Variants in CFAP52 observed in about 807,000 individuals in gnomAD.
CFAP52 encodes cilia- and flagella-associated protein 52.
CFAP52 carries 57 observed loss-of-function variants against 70.5 expected under a neutral mutation model. The ratio of observed to expected loss-of-function variants is 0.81; its 90% CI spans 0.65 to 1.01. The LOEUF (loss-of-function observed/expected upper bound fraction) is 1.01. Among genes scored for constraint, CFAP52 ranks in the 50% least tolerant of loss-of-function variants. CFAP52 has a pLI of 0.00. For missense variants in CFAP52, 785 were observed against 788.5 expected (o/e 1.00, Z 0.05); for synonymous variants, 267 against 292.5 (o/e 0.91, Z 0.89).
chr17:9,615,342 G>A (rs79517082), intron 8 of CFAP52, among the ~76,000 whole-genome samples: 7 of 152,242 alleles, frequency 4.6e-5, no homozygotes, highest in South Asian at 2.1e-4. Flanking sequence ...TTACAGAGAC[G>A]TGCATTGCAG....
At chr17:9,627,982 TC>T (rs1414506305) in intron 8 of CFAP52, among the ~76,000 whole-genome samples, 1 of 152,164 alleles carries the variant, frequency 6.6e-6, no homozygotes, top group Non-Finnish European at 1.5e-5. Context: ...GATCCTCCTT[TC>T]TTGGCCTCCC....
At chr17:9,583,571 A>G (rs1908317434) in intron 1 of CFAP52, among the ~76,000 whole-genome samples, 1 of 152,168 alleles carries the variant, frequency 6.6e-6, no homozygotes, top group African/African-American at 2.4e-5. Flanking sequence ...AAGGAGACTT[A>G]TGAAGAAACA....
At chr17:9,625,857 A>T (rs1456474724) in intron 8 of CFAP52, among the ~76,000 whole-genome samples, 1 of 152,152 alleles carries the variant, frequency 6.6e-6, no homozygotes, top group East Asian at 1.9e-4. Context: ...GCCTTACAAG[A>T]TGTACTCTCT....
chr17:9,587,905 A>G (rs77945520), intron 3 of CFAP52, among the ~76,000 whole-genome samples: 3,174 of 152,246 alleles, frequency 0.021, 109 homozygotes, highest in African/African-American at 0.072. Context: ...TCTGAGAAAA[A>G]TACCATAAAA....
intron 7 of CFAP52, 52 bp from the exon 8 acceptor site, chr17:9,612,257 A>G: frequency 1.3e-6 from 2 of 1,592,252 alleles, no homozygotes; most frequent in Non-Finnish European, 1.7e-6. Context: ...CATGATTCGT[A>G]ACTACTTACT....
intron 13 of CFAP52, among the ~76,000 whole-genome samples, chr17:9,642,275 C>G (rs138663544): frequency 1.3e-5 from 2 of 152,140 alleles, no homozygotes; most frequent in African/African-American, 4.8e-5. Flanking sequence ...CACAACATGC[C>G]GATTGGAACA....
chr17:9,645,215 C>T (rs1911273178), downstream of CFAP52: 1 of 153,492 alleles, frequency 6.5e-6, no homozygotes. This position sits in a 1 kb window ranked among gnomAD's most constrained non-coding sequence, Gnocchi z 6.8. Context: ...CCTTTTCTTC[C>T]TGCAGTAGCC....
intron 6 of CFAP52, among the ~76,000 whole-genome samples, chr17:9,607,645 T>C (rs1281111034): frequency 6.6e-6 from 1 of 152,244 alleles, no homozygotes; most frequent in Admixed American, 6.5e-5. Context: ...AAGAATTAAG[T>C]TCTGGTGAAA....
At chr17:9,624,245 T>C (rs1910157096) in intron 8 of CFAP52, among the ~76,000 whole-genome samples, 1 of 152,176 alleles carries the variant, frequency 6.6e-6, no homozygotes, top group Non-Finnish European at 1.5e-5. Flanking sequence ...TTTCAGCCCT[T>C]GTTCCTTAAG....
In CFAP52 at chr17:9,636,645, G is replaced by A. The variant is rs548041082; in HGVS notation, c.1472+1089G>A. 8.3e-4 allele frequency among the ~76,000 whole-genome samples: 126 copies of A among 152,086 alleles called. 1 individual carries two copies. The highest frequency in any genetic ancestry group is 1.4e-3 in the Non-Finnish European group (92 of 68,008). On this transcript the variant is annotated intron_variant, in intron 11 of 13. Transcript: ENST00000352665. ...GCACTGCCTCTATATCACTGCATAC[G>A]AGAGACGAGGATAAGTGCAAAGATG...
chr17:9,593,702 C>A (rs910256261), intron 3 of CFAP52, among the ~76,000 whole-genome samples: 1 of 152,116 alleles, frequency 6.6e-6, no homozygotes, highest in African/African-American at 2.4e-5. Context: ...GTGATCCACC[C>A]GCCTCGGCCT....
At chr17:9,599,920 C>G in intron 5 of CFAP52, 147 bp from the exon 6 acceptor site, 1 of 591,520 alleles carries the variant, frequency 1.7e-6, no homozygotes, top group Non-Finnish European at 3.1e-6. Flanking sequence ...TTTGTATTTT[C>G]AGTAGAGACA....
intron 9 of CFAP52, among the ~76,000 whole-genome samples, chr17:9,630,165 C>G (rs1464911117): frequency 6.6e-6 from 1 of 151,854 alleles, no homozygotes; most frequent in African/African-American, 2.4e-5. Context: ...GCATCTCTCC[C>G]CTAGATTGCC....
In CFAP52 at chr17:9,627,112, CT is replaced by C. The variant is rs201487824; in HGVS notation, c.1026-1545del. Among the ~76,000 whole-genome samples the C allele has an allele frequency of 6.2e-3, 851 of 137,642 alleles. 4 individuals are homozygous for C. Among genetic ancestry groups the C allele is most frequent in the Middle Eastern group, 0.015 (4 of 272 alleles). 90.3% of individuals were successfully genotyped at this position (137,642 alleles called of 152,430 possible). A position where few individuals can be genotyped will look rare whatever the true frequency, so the allele number is the denominator to read the frequency against. On this transcript the variant is annotated intron_variant, in intron 8 of 13. Transcript: ENST00000352665. ...AATTTACATTGTATTTAGAGGTTGC[CT>C]TTTTTTTTTTTTTTGAGCTTGACAG...
intron 8 of CFAP52, among the ~76,000 whole-genome samples, chr17:9,622,145 T>C (rs920856933): frequency 6.6e-6 from 1 of 152,260 alleles, no homozygotes; most frequent in African/African-American, 2.4e-5. Context: ...TGAAATTATT[T>C]GGAATTCTAG....
At chr17:9,636,179 A>AAAAGAAAGAAAGAAGG in intron 11 of CFAP52, among the ~76,000 whole-genome samples, 1 of 99,174 alleles carries the variant, frequency 1.0e-5, no homozygotes, top group Middle Eastern at 4.9e-3. Flanking sequence ...TGTCTCAAAA[A>AAAAGAAAGAAAGAAGG]AAAGAAAGAA....
Position 9,628,814 on chromosome 17 carries a change from A to G in CFAP52, c.1168A>G (p.Ile390Val). 6.2e-7 allele frequency: 1 copy of G among 1,614,060 alleles called. No individual in the cohort carries two copies. Among genetic ancestry groups the G allele is most frequent in the Non-Finnish European group, 8.5e-7 (1 of 1,179,964 alleles). ...IDFMRDGKSIISAWNDGKIRA... is the reference protein window; with the variant it reads ...IDFMRDGKSIVSAWNDGKIRA... Reference sequence around the variant, plus strand: ...CTTCATGAGGGACGGCAAAAGCATCATTTCAGGTAACGTCCACATGTCAAG... The same window carrying G: ...CTTCATGAGGGACGGCAAAAGCATCGTTTCAGGTAACGTCCACATGTCAAG... Residue 390 changes from isoleucine to valine, a missense_variant, in exon 9 of 14, where the codon ATT becomes GTT. Coordinates refer to ENST00000352665, the MANE Select transcript of CFAP52 (RefSeq NM_145054.5).
chr17:9,588,812 G>A (rs1415753840), intron 3 of CFAP52, among the ~76,000 whole-genome samples: 1 of 134,676 alleles, frequency 7.4e-6, no homozygotes, highest in Admixed American at 8.1e-5. Flanking sequence ...CACTCTTGTT[G>A]CCCAGGCTGG....
chr17:9,638,387 G>T (rs1368233422), intron 11 of CFAP52, among the ~76,000 whole-genome samples: 1 of 152,152 alleles, frequency 6.6e-6, no homozygotes, highest in East Asian at 1.9e-4. Context: ...TCCTCTGGTG[G>T]TCACTGATAG....
Sources: gnomAD v4.1 joint callset for allele counts (sites outside exome capture counted in the v4.1 genomes callset) on GRCh38, gnomAD v4.1.1 for gene constraint, Gnocchi (gnomAD v3.1) non-coding constraint, MANE v1.5 for transcripts, NCBI Gene and HGNC (gene_info 2026-07-23, HGNC 2026-07-21) for gene names.